Variants in DPP6 observed in about 807,000 individuals in gnomAD.
DPP6 encodes the protein A-type potassium channel modulatory protein DPP6.
In DPP6, 69 loss-of-function variants were observed where a neutral mutation model predicts 122.6. The ratio of observed to expected loss-of-function variants is 0.56; its 90% CI spans 0.46 to 0.69. DPP6 has a LOEUF of 0.69. DPP6 is among the 30% of genes least tolerant of loss of function. DPP6 has a pLI of 0.00. For synonymous variants in DPP6, 418 were observed against 433.1 expected, an observed-to-expected ratio of 0.97 and a Z score of 0.43; for missense variants, 928 against 1,116.9, an observed-to-expected ratio of 0.83 and a Z score of 2.41.
chr7:153,786,412 A>G, the DPP6 span, among the ~76,000 whole-genome samples: 3 of 151,574 alleles, frequency 2.0e-5, no homozygotes, highest in African/African-American at 4.8e-5. Flanking sequence ...AAAAATGTTC[A>G]CATCCCTAGT....
chr7:154,048,097 CTG>C (rs1800114875), upstream of DPP6, among the ~76,000 whole-genome samples: 1 of 124,580 alleles, frequency 8.0e-6, no homozygotes, highest in Non-Finnish European at 1.7e-5. Flanking sequence ...ATGTTTTGAA[CTG>C]TGTAAGATCC....
At chr7:154,740,419 T>C (rs1842765458) in intron 8 of DPP6, among the ~76,000 whole-genome samples, 1 of 151,842 alleles carries the variant, frequency 6.6e-6, no homozygotes. Context: ...AACAAGACAA[T>C]ATGTACTTAA....
chr7:154,229,566 A>G lies in DPP6; in HGVS notation c.243+176503A>G, dbSNP rs187337659. Among the ~76,000 whole-genome samples the G allele has an allele frequency of 1.8e-3, 272 of 152,318 alleles. 1 individual carries two copies. The highest frequency in any genetic ancestry group is 2.7e-3 in the Non-Finnish European group (181 of 68,028). ...TTTCCTCACAAATTGATGTGGATGG[A>G]TTACCACTGAGGGCTTCATCTTCAG... On this transcript the variant is annotated intron_variant, in intron 1 of 25. Coordinates refer to ENST00000377770, the MANE Select transcript of DPP6 (RefSeq NM_130797.4).
intron 1 of DPP6, among the ~76,000 whole-genome samples, chr7:154,228,889 G>A (rs1279662799): frequency 6.6e-6 from 1 of 152,102 alleles, no homozygotes; most frequent in African/African-American, 2.4e-5. Flanking sequence ...AAGAAAAATA[G>A]GTGCCCTTTA....
Position 154,190,153 on chromosome 7 carries a change from A to C in DPP6, c.243+137090A>C, listed in dbSNP as rs1353848185. On this transcript the variant is annotated intron_variant, in intron 1 of 25. Coordinates refer to ENST00000377770, the MANE Select transcript of DPP6 (RefSeq NM_130797.4). ...AGGCCTCCTCTTTCCAGAATTTGCA[A>C]AATCAATATAACTTGGGCTTTCACT... Among the ~76,000 whole-genome samples, 8 of 152,256 alleles carry C rather than the reference A, an allele frequency of 5.3e-5. No individual in the cohort carries two copies. The South Asian group carries it at 1.0e-3, about 20-fold the overall frequency.
At chr7:154,665,839 C>CT (rs1162008047) in intron 6 of DPP6, among the ~76,000 whole-genome samples, 5 of 151,994 alleles carry the variant, frequency 3.3e-5, no homozygotes, top group Non-Finnish European at 5.9e-5. Flanking sequence ...TAGTGTTCCC[C>CT]TTTTCCTTAT....
chr7:154,284,814 C>T (rs1440120271), intron 1 of DPP6, among the ~76,000 whole-genome samples: 1 of 152,204 alleles, frequency 6.6e-6, no homozygotes, highest in Admixed American at 6.5e-5. Context: ...AAGACTGGGC[C>T]ACTGCACTCC....
At chr7:154,059,863 C>T (rs111518038) in intron 1 of DPP6, among the ~76,000 whole-genome samples, 1 of 149,682 alleles carries the variant, frequency 6.7e-6, no homozygotes. Flanking sequence ...GATGGCCCCC[C>T]TATTTGACGG....
upstream of DPP6, among the ~76,000 whole-genome samples, chr7:154,051,647 G>A (rs1800327758): frequency 6.7e-6 from 1 of 150,020 alleles, no homozygotes. Flanking sequence ...GAAAAGTTGC[G>A]GGCAGCCGGA....
At chr7:154,160,873 G>A (rs1796945607) in intron 1 of DPP6, among the ~76,000 whole-genome samples, 1 of 152,290 alleles carries the variant, frequency 6.6e-6, no homozygotes, top group Non-Finnish European at 1.5e-5. Context: ...CCAGGCAGGT[G>A]CGGGGAGGGA....
At chr7:154,377,631 G>GCTCT (rs962668458) in intron 1 of DPP6, among the ~76,000 whole-genome samples, 2 of 151,966 alleles carry the variant, frequency 1.3e-5, no homozygotes, top group African/African-American at 4.8e-5. Context: ...TTCCCCCTTC[G>GCTCT]CTCTCTCTCA....
chr7:154,179,899 T>G (rs1194068980), intron 1 of DPP6, among the ~76,000 whole-genome samples: 1 of 152,190 alleles, frequency 6.6e-6, no homozygotes, highest in African/African-American at 2.4e-5. Context: ...CATTATTAAT[T>G]TTAATGCAAT....
chr7:154,873,920 A>G (rs972133443), intron 19 of DPP6, among the ~76,000 whole-genome samples: 3 of 148,804 alleles, frequency 2.0e-5, no homozygotes, highest in African/African-American at 7.6e-5. Context: ...GCACACACAC[A>G]TGCACACACC....
intron 1 of DPP6, among the ~76,000 whole-genome samples, chr7:154,217,228 G>C (rs113235708): frequency 6.6e-6 from 1 of 152,106 alleles, no homozygotes; most frequent in African/African-American, 2.4e-5. Context: ...GTTTACTCTT[G>C]TTTTCATGGG....
intron 1 of DPP6, among the ~76,000 whole-genome samples, chr7:154,281,356 A>G (rs57117233): frequency 0.92 from 139,562 of 151,954 alleles, 64,210 homozygotes; most frequent in East Asian, 0.99. Flanking sequence ...CTCTAAATAA[A>G]ATGGGTGCAT....
At chr7:154,408,784 A>G (rs564259325) in intron 1 of DPP6, among the ~76,000 whole-genome samples, 2 of 146,780 alleles carry the variant, frequency 1.4e-5, no homozygotes, top group Admixed American at 1.4e-4. Context: ...TTTTTTTCTG[A>G]CCTTGAATCA....
intron 1 of DPP6, 86 bp downstream of exon 1, chr7:154,053,149 TG>T (rs1159583188): frequency 7.3e-5 from 42 of 575,644 alleles, no homozygotes; most frequent in South Asian, 2.1e-4. Flanking sequence ...AAATTTTTTT[TG>T]GGGGGGGAAT....
At position 154,481,965 on chromosome 7, in the gene DPP6, C is replaced by T. The variant is rs1404770435; in HGVS notation, c.457+6928C>T. ...ACCAGCAAAGTCCCCAGTTTGTGGCCGTCCACGAAGACTTCTTGGGCATTT... is the reference window on the plus strand; with the variant it reads ...ACCAGCAAAGTCCCCAGTTTGTGGCTGTCCACGAAGACTTCTTGGGCATTT... On this transcript the variant is annotated intron_variant, in intron 3 of 25. Transcript: ENST00000377770. This position sits in a 1 kb window ranked among gnomAD's most constrained non-coding sequence, Gnocchi z 4.2. Among the ~76,000 whole-genome samples, 12 of 152,294 alleles carry T rather than the reference C, an allele frequency of 7.9e-5. No homozygotes were observed. The highest frequency in any genetic ancestry group is 4.1e-4 in the South Asian group (2 of 4,820).
intron 6 of DPP6, among the ~76,000 whole-genome samples, chr7:154,642,874 C>G (rs1181444344): frequency 6.6e-6 from 1 of 152,118 alleles, no homozygotes; most frequent in East Asian, 1.9e-4. Context: ...TGCACTCCAG[C>G]CTGGGTGGGA....
Sources: allele counts gnomAD v4.1 joint callset (sites outside exome capture counted in the v4.1 genomes callset), GRCh38; gene constraint gnomAD v4.1.1; non-coding constraint Gnocchi (gnomAD v3.1); transcripts MANE v1.5; gene names NCBI Gene and HGNC (gene_info 2026-07-23, HGNC 2026-07-21).